Variants in NLRP12 observed in about 807,000 individuals in gnomAD.
NLRP12 encodes NLR family pyrin domain containing 12, also known as NACHT, LRR and PYD domains-containing protein 12.
A neutral mutation model predicts 91.2 loss-of-function variants in NLRP12; 108 were observed. The ratio of observed to expected loss-of-function variants is 1.18; its 90% CI spans 1.01 to 1.39. The LOEUF is 1.39. Among genes scored for constraint, NLRP12 ranks in the 40% most tolerant of loss-of-function variants. NLRP12 has a pLI of 0.00. For missense variants in NLRP12, 1,530 were observed against 1,352.7 expected, an observed-to-expected ratio of 1.13 and a Z score of -2.06; for synonymous variants, 613 against 566.7, an observed-to-expected ratio of 1.08 and a Z score of -1.16.
At chr19:53,815,431 G>C (rs899147799) in intron 1 of NLRP12, among the ~76,000 whole-genome samples, 2 of 151,776 alleles carry the variant, frequency 1.3e-5, no homozygotes, top group African/African-American at 4.8e-5. Context: ...GTTTCACTAT[G>C]TTGGCCAGGC....
Position 53,805,329 on chromosome 19 carries a change from G to A in NLRP12, c.2365C>T (p.Leu789=). The A allele has an allele frequency of 1.2e-6, 2 of 1,614,134 alleles. No individual in the cohort carries two copies. The highest frequency in any genetic ancestry group is 1.7e-6 in the Non-Finnish European group (2 of 1,180,020). Residue 789 remains leucine, a synonymous_variant, in exon 5 of 10, where the codon CTG becomes TTG. Coordinates refer to ENST00000324134, the MANE Select transcript of NLRP12 (RefSeq NM_144687.4). The part of the protein sequence containing the change: ...GNGVGFPGMM[L]LCEGLRHPQC... ...GGATGCCGCAGGCCCTCGCAAAGCA[G>A]CATCATGCCTGGGAATCCAACGCCG... is the stretch of plus-strand genomic sequence containing the variant.
chr19:53,803,222 T>C (rs1271693469), intron 6 of NLRP12, among the ~76,000 whole-genome samples: 2 of 151,764 alleles, frequency 1.3e-5, no homozygotes, highest in Non-Finnish European at 2.9e-5. Context: ...GTTTTTGTTG[T>C]CCAGGCTGGA....
rs370373416 is a variant in NLRP12 at position 53,809,798 on chromosome 19, G to A, written c.1861C>T (p.Gln621Ter). Residue 621 changes from glutamine to a stop codon, truncating the protein, a stop_gained, in exon 3 of 10, where the codon CAG (glutamine) becomes TAG (stop). Transcript: ENST00000324134. LOFTEE classifies it high-confidence loss of function. The part of the protein sequence containing the change: ...LEFFSCLYEI[Q>*]EEEFIQQALS... Reference sequence around the variant, plus strand: ...GCCTGCTGGATAAACTCCTCCTCCTGGATCTCGTACAAGCAGCTGAAGAAC... The same window carrying A: ...GCCTGCTGGATAAACTCCTCCTCCTAGATCTCGTACAAGCAGCTGAAGAAC... The A allele has an allele frequency of 6.2e-7, 1 of 1,614,050 alleles. No individual in the cohort carries two copies. Among genetic ancestry groups the A allele is most frequent in the Non-Finnish European group, 8.5e-7 (1 of 1,179,974 alleles).
At chr19:53,822,559 C>T (rs1019755916) in intron 1 of NLRP12, among the ~76,000 whole-genome samples, 9 of 151,682 alleles carry the variant, frequency 5.9e-5, no homozygotes, top group Non-Finnish European at 1.3e-4. Flanking sequence ...AGTGAAACCC[C>T]GTCTCTACAA....
Position 53,798,111 on chromosome 19 carries a change from C to G in NLRP12, c.2927+132G>C, listed in dbSNP as rs1421268452. 1.1e-5 allele frequency: 11 copies of G among 1,046,146 alleles called. No individual in the cohort carries two copies. The East Asian group carries it at 2.7e-4, about 26-fold the overall frequency. 64.8% of individuals were successfully genotyped at this position (1,046,146 alleles called of 1,614,324 possible). ...CAGAGAGACTTCCTGTCTTTTCTTT[C>G]CACCTCTCTTCTTGCTACCTGAATC... On this transcript the variant is annotated intron_variant, in intron 8 of 9. Coordinates refer to ENST00000324134, the MANE Select transcript of NLRP12 (RefSeq NM_144687.4).
At chr19:53,796,549 A>C (rs10425854) in intron 8 of NLRP12, among the ~76,000 whole-genome samples, 81,661 of 151,190 alleles carry the variant, frequency 0.54, 22,322 homozygotes, top group South Asian at 0.62. Flanking sequence ...GCCCGGCCGT[A>C]ATTTTTATAT....
Position 53,807,729 on chromosome 19 carries a change from A to AT in NLRP12, c.2073-65dup, listed in dbSNP as rs1286843615. 3.8e-6 allele frequency: 6 copies of AT among 1,568,120 alleles called. No individual in the cohort carries two copies. The East Asian group carries it at 1.3e-4, about 35-fold the overall frequency. On this transcript the variant is annotated intron_variant, in intron 3 of 9. Coordinates refer to ENST00000324134, the MANE Select transcript of NLRP12 (RefSeq NM_144687.4). ...GGTGCTTGACAACTATGGCCTTTGCATGTCATTTCACCGTTTATGAAGCAT... is the reference window on the plus strand; with the variant it reads ...GGTGCTTGACAACTATGGCCTTTGCATTGTCATTTCACCGTTTATGAAGCAT...
downstream of NLRP12, chr19:53,793,642 T>C (rs2091691369): frequency 3.9e-6 from 1 of 259,548 alleles, no homozygotes; most frequent in East Asian, 9.2e-5. Context: ...TGGAGTGCAG[T>C]GGCGCGATCT....
chr19:53,819,837 AAG>A (rs1219996813), intron 1 of NLRP12, among the ~76,000 whole-genome samples: 2 of 150,702 alleles, frequency 1.3e-5, no homozygotes, highest in African/African-American at 2.4e-5. Context: ...GAAAGAGAAA[AAG>A]AGAGGAGAGG....
intron 4 of NLRP12, among the ~76,000 whole-genome samples, chr19:53,806,985 T>C (rs890926016): frequency 5.3e-5 from 8 of 152,106 alleles, no homozygotes; most frequent in Admixed American, 1.3e-4. Context: ...GAACTTAACC[T>C]GCCCACTCCT....
In NLRP12 at chr19:53,810,477, G is replaced by A. The variant is rs201241894; in HGVS notation, c.1182C>T (p.Asn394=). Residue 394 remains asparagine, a synonymous_variant, in exon 3 of 10, where the codon AAC becomes AAT. Coordinates refer to ENST00000324134, the MANE Select transcript of NLRP12 (RefSeq NM_144687.4). ...AGQVFNYVRD[N]EPLFTMCFVP... Reference sequence around the variant, plus strand: ...CGAAGCACATGGTGAAGAGAGGCTCGTTGTCCCTCACGTAATTGAAGACTT... The same window carrying A: ...CGAAGCACATGGTGAAGAGAGGCTCATTGTCCCTCACGTAATTGAAGACTT... 2 of 1,614,102 alleles carry A rather than the reference G, an allele frequency of 1.2e-6. No homozygotes were observed. The highest frequency in any genetic ancestry group is 1.7e-6 in the Non-Finnish European group (2 of 1,180,028).
rs572888991 is a variant in NLRP12 at position 53,821,339 on chromosome 19, A to T, written c.289+2547T>A. ...AGGCGTGAGCCACCGCACCCAGCTC[A>T]TTGTGATTATTTTATGAGATAGAAG... On this transcript the variant is annotated intron_variant, in intron 1 of 9. Transcript: ENST00000324134. Among the ~76,000 whole-genome samples the T allele has an allele frequency of 2.8e-4, 42 of 150,514 alleles. No homozygotes were observed. In the East Asian group the frequency reaches 8.2e-3, roughly 29 times the overall value.
chr19:53,818,601 G>T (rs972823656), intron 1 of NLRP12, among the ~76,000 whole-genome samples: 2 of 151,424 alleles, frequency 1.3e-5, no homozygotes, highest in African/African-American at 4.9e-5. Flanking sequence ...GGAGGCGGAG[G>T]TTGCAGTGAG....
chr19:53,800,374 TG>T (rs1399725353), intron 7 of NLRP12, among the ~76,000 whole-genome samples: 2 of 152,072 alleles, frequency 1.3e-5, no homozygotes, highest in Non-Finnish European at 2.9e-5. Context: ...GAGGCTGAGT[TG>T]GGAGGATGGC....
At chr19:53,795,107 CGTGTGTGTGTGTG>C in intron 9 of NLRP12, among the ~76,000 whole-genome samples, 1 of 85,496 alleles carries the variant, frequency 1.2e-5, no homozygotes, top group African/African-American at 4.7e-5. Flanking sequence ...CTGGTGTGTG[CGTGTGTGTGTGTG>C]TGTGTGTGTG....
chr19:53,822,736 TAA>T (rs35709423), intron 1 of NLRP12, among the ~76,000 whole-genome samples: 6 of 120,526 alleles, frequency 5.0e-5, no homozygotes, highest in Admixed American at 9.1e-5. Flanking sequence ...GACTCAGTCT[TAA>T]AAAAAAAAAA....
At chr19:53,807,427 T>A in intron 4 of NLRP12, 68 bp downstream of exon 4, 2 of 1,489,338 alleles carry the variant, frequency 1.3e-6, no homozygotes, top group South Asian at 2.3e-5. Context: ...GATAGAACCT[T>A]TGTGACTGAT....
intron 7 of NLRP12, among the ~76,000 whole-genome samples, chr19:53,798,964 A>G (rs1302607287): frequency 2.0e-5 from 3 of 148,734 alleles, no homozygotes; most frequent in Admixed American, 6.8e-5. Context: ...CTGGTTTCGA[A>G]CTCCTGACCT....
At chr19:53,794,194 G>T in intron 9 of NLRP12, 58 bp from the exon 10 acceptor site, 1 of 1,126,038 alleles carries the variant, frequency 8.9e-7, no homozygotes. Context: ...CAATTAATAA[G>T]CCTTAAGTAT....
Sources: allele counts gnomAD v4.1 joint callset (sites outside exome capture counted in the v4.1 genomes callset), GRCh38; gene constraint gnomAD v4.1.1; transcripts MANE v1.5; gene names NCBI Gene and HGNC (gene_info 2026-07-23, HGNC 2026-07-21).